Variants in RPRD1A observed in about 807,000 individuals in gnomAD.
RPRD1A encodes the protein regulation of nuclear pre-mRNA domain containing 1A, also known as regulation of nuclear pre-mRNA domain-containing protein 1A.
Under a neutral mutation model 37.8 loss-of-function variants are expected in RPRD1A, and 9 were observed. The observed-to-expected ratio is 0.24, with a 90% CI of 0.14 to 0.42. The LOEUF (loss-of-function observed/expected upper bound fraction) is 0.42. Among genes scored for constraint, RPRD1A ranks in the 10% least tolerant of loss-of-function variants. The pLI, the probability that RPRD1A is intolerant of heterozygous loss-of-function variation, is 1.00. For missense variants in RPRD1A, 255 were observed against 371.0 expected, an observed-to-expected ratio of 0.69 and a Z score of 2.57; for synonymous variants, 138 against 139.7, an observed-to-expected ratio of 0.99 and a Z score of 0.08.
chr18:36,063,913 C>T (rs2047674843), intron 1 of RPRD1A: 1 of 152,260 alleles, frequency 6.6e-6, no homozygotes, highest in African/African-American at 2.4e-5. Flanking sequence ...ATCACTACCA[C>T]CCTCCTCCTA....
intron 1 of RPRD1A, chr18:36,063,180 A>G (rs151118992): frequency 6.6e-6 from 1 of 152,126 alleles, no homozygotes; most frequent in African/African-American, 2.4e-5. Flanking sequence ...TCATTCTTAT[A>G]TTTTTTTGTT....
In RPRD1A at chr18:36,027,191, T is replaced by C; in HGVS notation, c.606A>G (p.Lys202=). The change falls in exon 5 of 7, where the codon AAA becomes AAG. Residue 202 remains lysine (K), a synonymous_variant. Coordinates refer to ENST00000399022, the MANE Select transcript of RPRD1A (RefSeq NM_018170.5). ...CACATTTTCTTTTCTTACCTGTTAT[T>C]TTATCTAATAGAGATACTTCTTGGA... ...VEVQEVSLLD[K]ITDKESGERL... 1 of 1,613,802 alleles carries C rather than the reference T, an allele frequency of 6.2e-7. No individual in the cohort carries two copies. The highest frequency in any genetic ancestry group is 8.5e-7 in the Non-Finnish European group (1 of 1,179,772).
At chr18:36,027,706 A>G (rs1435160228) in intron 4 of RPRD1A, 1 of 156,382 alleles carries the variant, frequency 6.4e-6, no homozygotes, top group Non-Finnish European at 1.4e-5. Context: ...ATCATTGTAC[A>G]CTAGAAGTTT....
Position 36,026,825 on chromosome 18 carries a change from G to A in RPRD1A, c.789+75C>T. 4.3e-6 allele frequency: 6 copies of A among 1,406,498 alleles called. No homozygotes were observed. The South Asian group carries it at 8.4e-5, about 20-fold the overall frequency. The allele number at this position is 1,406,498 out of a possible 1,614,324, so 87.1% of individuals were successfully genotyped here. Reference sequence around the variant, plus strand: ...TTAAAAAATGCAAAATGTGCACATAGATTAAAATATTTTAAAATTCCTAAC... The same window carrying A: ...TTAAAAAATGCAAAATGTGCACATAAATTAAAATATTTTAAAATTCCTAAC... On this transcript the variant is annotated intron_variant, in intron 6 of 6. Coordinates refer to ENST00000399022, the MANE Select transcript of RPRD1A (RefSeq NM_018170.5).
intron 1 of RPRD1A, among the ~76,000 whole-genome samples, chr18:36,058,277 A>T (rs190619190): frequency 6.6e-6 from 1 of 152,272 alleles, no homozygotes; most frequent in East Asian, 1.9e-4. Flanking sequence ...TCCTGGCCTC[A>T]AACAATCCAC....
At chr18:36,067,041 T>A (rs1423991985) in intron 1 of RPRD1A, among the ~76,000 whole-genome samples, 1 of 152,048 alleles carries the variant, frequency 6.6e-6, no homozygotes, top group Non-Finnish European at 1.5e-5. Flanking sequence ...CTAACCGGAG[T>A]TTTCTTTTTT....
chr18:36,056,254 G>A (rs191726743), intron 1 of RPRD1A, among the ~76,000 whole-genome samples: 122 of 152,008 alleles, frequency 8.0e-4, no homozygotes, highest in Admixed American at 1.9e-3. Context: ...GGAATGGAAA[G>A]AACCCATATA....
In RPRD1A at chr18:36,005,488, T is replaced by C. The variant is rs557983409; in HGVS notation, c.790-12188A>G. ...TAATAATTATGTATTGGTTTTATGA[T>C]GGGAAAATTCTTAGGAAAAAGAGGC... is the stretch of plus-strand genomic sequence containing the variant. On this transcript the variant is annotated intron_variant, in intron 6 of 6. Transcript: ENST00000399022. Among the ~76,000 whole-genome samples the C allele has an allele frequency of 9.7e-4, 147 of 152,324 alleles. 1 individual carries two copies. Among genetic ancestry groups the C allele is most frequent in the African/African-American group, 3.3e-3 (139 of 41,576 alleles).
chr18:36,013,668 T>C lies in RPRD1A; in HGVS notation c.789+13232A>G, dbSNP rs369641964. Among the ~76,000 whole-genome samples the C allele has an allele frequency of 9.2e-5, 14 of 152,322 alleles. No individual in the cohort carries two copies. In the East Asian group the frequency reaches 1.9e-3, roughly 21 times the overall value. On this transcript the variant is annotated intron_variant, in intron 6 of 6. Coordinates refer to ENST00000399022, the MANE Select transcript of RPRD1A (RefSeq NM_018170.5). ...CAAAGACCTGCGCCATTTTTGTTGCTCTTCATGACATCTTTATTTTTATCC... is the reference window on the plus strand; with the variant it reads ...CAAAGACCTGCGCCATTTTTGTTGCCCTTCATGACATCTTTATTTTTATCC...
At chr18:36,028,678 T>C (rs1389084717) in intron 4 of RPRD1A, among the ~76,000 whole-genome samples, 1 of 152,206 alleles carries the variant, frequency 6.6e-6, no homozygotes, top group East Asian at 1.9e-4. Flanking sequence ...CTAAGCCTAC[T>C]ACTTCCTACC....
chr18:36,008,435 G>T (rs986843817), intron 6 of RPRD1A, among the ~76,000 whole-genome samples: 6 of 151,140 alleles, frequency 4.0e-5, no homozygotes, highest in African/African-American at 1.5e-4. Context: ...AATTAGCCAG[G>T]CATGGTAGCA....
chr18:36,021,512 A>G (rs1910992834), intron 6 of RPRD1A, among the ~76,000 whole-genome samples: 1 of 152,222 alleles, frequency 6.6e-6, no homozygotes, highest in Non-Finnish European at 1.5e-5. Flanking sequence ...GGGCCAATTA[A>G]GAATCCTACC....
chr18:36,032,775 A>T (rs868823874), intron 2 of RPRD1A, among the ~76,000 whole-genome samples: 1 of 152,228 alleles, frequency 6.6e-6, no homozygotes, highest in African/African-American at 2.4e-5. Context: ...TTCACAGAGT[A>T]TAAAACCTAC....
At position 36,045,351 on chromosome 18, in the gene RPRD1A, A is replaced by G. The variant is rs1912878400; in HGVS notation, c.152-11514T>C. 2.0e-5 allele frequency among the ~76,000 whole-genome samples: 3 copies of G among 152,218 alleles called. No homozygotes were observed. In the South Asian group the frequency reaches 6.2e-4, roughly 32 times the overall value. On this transcript the variant is annotated intron_variant, in intron 1 of 6. Coordinates refer to ENST00000399022, the MANE Select transcript of RPRD1A (RefSeq NM_018170.5). ...ATATGTACTGTATTTCAGAATAACC[A>G]AAGGCTGATGAAGGAAAGCTCTTGT...
chr18:36,036,812 G>A (rs2144318298), intron 1 of RPRD1A, among the ~76,000 whole-genome samples: 1 of 152,262 alleles, frequency 6.6e-6, no homozygotes, highest in South Asian at 2.1e-4. Context: ...ACAGTTAACA[G>A]AAAGGGAAAA....
chr18:36,043,490 A>T (rs1912743188), intron 1 of RPRD1A, among the ~76,000 whole-genome samples: 1 of 152,186 alleles, frequency 6.6e-6, no homozygotes, highest in African/African-American at 2.4e-5. Flanking sequence ...TTTTGTGAAA[A>T]AAATAATTTT....
intron 6 of RPRD1A, among the ~76,000 whole-genome samples, chr18:36,008,032 A>G (rs1301374025): frequency 6.6e-6 from 1 of 151,576 alleles, no homozygotes; most frequent in Non-Finnish European, 1.5e-5. Flanking sequence ...CTTATGTCCA[A>G]AGAGTTTGAG....
intron 6 of RPRD1A, among the ~76,000 whole-genome samples, chr18:36,010,596 G>C (rs139119894): frequency 8.7e-4 from 133 of 152,308 alleles, no homozygotes; most frequent in African/African-American, 2.7e-3. Context: ...CTACAAAAGA[G>C]AGTGAAAATC....
chr18:36,036,564 T>C (rs1217263750), intron 1 of RPRD1A, among the ~76,000 whole-genome samples: 1 of 152,170 alleles, frequency 6.6e-6, no homozygotes, highest in Admixed American at 6.6e-5. Flanking sequence ...CACTTTTATC[T>C]TTGTAGGACC....
Sources: gnomAD v4.1 joint callset for allele counts (sites outside exome capture counted in the v4.1 genomes callset) on GRCh38, gnomAD v4.1.1 for gene constraint, MANE v1.5 for transcripts, NCBI Gene and HGNC (gene_info 2026-07-23, HGNC 2026-07-21) for gene names.